Variants in TNFRSF8 observed in about 807,000 individuals in gnomAD.
TNFRSF8 encodes TNF receptor superfamily member 8.
A neutral mutation model predicts 70.8 loss-of-function variants in TNFRSF8; 26 were observed. The ratio of observed to expected loss-of-function variants is 0.37; its 90% confidence interval spans 0.27 to 0.51. The LOEUF is 0.51. TNFRSF8 is among the 20% of genes least tolerant of loss of function. The pLI, the probability that TNFRSF8 is intolerant of heterozygous loss-of-function variation, is 0.94. For synonymous variants in TNFRSF8, 356 were observed against 339.2 expected (o/e 1.05, Z -0.54); for missense variants, 720 against 807.9 (o/e 0.89, Z 1.32).
At chr1:12,125,723 C>T (rs910765075) in intron 10 of TNFRSF8, among the ~76,000 whole-genome samples, 19 of 152,250 alleles carry the variant, frequency 1.2e-4, no homozygotes. Context: ...CTCAATTTCT[C>T]ACTCTCTAGA....
intron 3 of TNFRSF8, among the ~76,000 whole-genome samples, chr1:12,101,766 G>A (rs1168087358): frequency 2.6e-5 from 4 of 152,082 alleles, no homozygotes; most frequent in African/African-American, 9.7e-5. Context: ...CTGCAACCTG[G>A]GTTCAAGCGA....
intron 4 of TNFRSF8, among the ~76,000 whole-genome samples, chr1:12,104,784 T>C (rs1641491182): frequency 6.6e-6 from 1 of 152,104 alleles, no homozygotes; most frequent in Admixed American, 6.5e-5. Flanking sequence ...AGGTCTTGCT[T>C]TGGTTTGAGG....
intron 10 of TNFRSF8, among the ~76,000 whole-genome samples, chr1:12,125,429 G>A (rs757323592): frequency 5.9e-5 from 9 of 152,172 alleles, no homozygotes; most frequent in East Asian, 1.9e-4. Flanking sequence ...AGGTAGTGAC[G>A]GTGCCTAGGG....
At chr1:12,074,329 G>T (rs1640900283) in intron 1 of TNFRSF8, among the ~76,000 whole-genome samples, 3 of 151,350 alleles carry the variant, frequency 2.0e-5, no homozygotes, top group Admixed American at 1.3e-4. Flanking sequence ...ACCCAGGCTG[G>T]AGTGCACTGA....
At chr1:12,065,790 G>A (rs1640729865) in intron 1 of TNFRSF8, among the ~76,000 whole-genome samples, 1 of 152,192 alleles carries the variant, frequency 6.6e-6, no homozygotes, top group Non-Finnish European at 1.5e-5. Context: ...GTCCTGGATG[G>A]ATGGGTGCTA....
At chr1:12,103,826 A>C (rs957771376) in intron 3 of TNFRSF8, among the ~76,000 whole-genome samples, 1 of 152,194 alleles carries the variant, frequency 6.6e-6, no homozygotes. Context: ...TTAGTGTGGC[A>C]CAATTGTTAG....
Position 12,108,110 on chromosome 1 carries a change from G to T in TNFRSF8, c.422-1456G>T, listed in dbSNP as rs145359258. On this transcript the variant is annotated intron_variant, in intron 4 of 14. Coordinates refer to ENST00000263932, the MANE Select transcript of TNFRSF8 (RefSeq NM_001243.5). This position sits in a 1 kb window ranked among gnomAD's most constrained non-coding sequence, Gnocchi z 4.0. ...TTTTTTTTTTTTGTGATGGAGCCTCGATCTGTCACCCAGACTAGAGTGCAA... is the reference window on the plus strand; with the variant it reads ...TTTTTTTTTTTTGTGATGGAGCCTCTATCTGTCACCCAGACTAGAGTGCAA... 7.2e-6 allele frequency among the ~76,000 whole-genome samples: 1 copy of T among 138,456 alleles called. No individual in the cohort carries two copies. Among genetic ancestry groups the T allele is most frequent in the Non-Finnish European group, 1.6e-5 (1 of 61,768 alleles). 90.8% of individuals were successfully genotyped at this position (138,456 alleles called of 152,430 possible).
chr1:12,132,943 C>T (rs943559255), intron 12 of TNFRSF8, among the ~76,000 whole-genome samples: 1 of 151,202 alleles, frequency 6.6e-6, no homozygotes, highest in Non-Finnish European at 1.5e-5. Flanking sequence ...TGATGTGATT[C>T]ATCCCATTTT....
intron 13 of TNFRSF8, among the ~76,000 whole-genome samples, chr1:12,136,649 GAAAAA>G (rs55656730): frequency 8.6e-4 from 105 of 122,352 alleles, no homozygotes; most frequent in African/African-American, 2.9e-3. Context: ...GACTCCATCT[GAAAAA>G]AAAAAAAAAA....
chr1:12,113,662 CGAGA>C lies in TNFRSF8; in HGVS notation c.793+1659_793+1662del, dbSNP rs553602284. On this transcript the variant is annotated intron_variant, in intron 7 of 14. Transcript: ENST00000263932. The surrounding 1 kb of genome is among the most constrained non-coding windows in gnomAD (Gnocchi z 4.9). ...CAGAAAGAGAAAGAGACGGAGTGAG[CGAGA>C]GAGAGAGAGACAGAAAGACAGAAAG... Among the ~76,000 whole-genome samples, 32 of 131,000 alleles carry C rather than the reference CGAGA, an allele frequency of 2.4e-4. No individual in the cohort carries two copies. Among genetic ancestry groups the C allele is most frequent in the South Asian group, 1.6e-3 (6 of 3,852 alleles). 85.9% of individuals were successfully genotyped at this position (131,000 alleles called of 152,430 possible).
rs1190243594 is a variant in TNFRSF8 at position 12,126,039 on chromosome 1, G to A, written c.1242G>A (p.Lys414=). 2 of 1,614,080 alleles carry A rather than the reference G, an allele frequency of 1.2e-6. No individual in the cohort carries two copies. The highest frequency in any genetic ancestry group is 1.3e-5 in the African/African-American group (1 of 74,936). The change falls in exon 11 of 15, where the codon AAG becomes AAA. Residue 414 remains lysine (K), a synonymous_variant. Transcript: ENST00000263932. ...TGTGCCACCGGAGGGCCTGCAGGAA[G>A]CGAATTCGGCAGAGTAAGTGGCTGT... ...FLLCHRRACR[K]RIRQKLHLCY...
intron 12 of TNFRSF8, among the ~76,000 whole-genome samples, chr1:12,133,551 C>T (rs1461844652): frequency 1.3e-5 from 2 of 150,938 alleles, no homozygotes; most frequent in Non-Finnish European, 2.9e-5. Flanking sequence ...ACCAGCCTGG[C>T]CAACATGGTG....
chr1:12,136,870 C>CTTTT (rs201470263), intron 13 of TNFRSF8, among the ~76,000 whole-genome samples: 1 of 118,718 alleles, frequency 8.4e-6, no homozygotes, highest in African/African-American at 3.1e-5. Context: ...ATACTCAGTT[C>CTTTT]TTTTTTTTTT....
rs1443573085 is a variant in TNFRSF8 at position 12,142,088 on chromosome 1, C to T, written c.1544-199C>T. Among the ~76,000 whole-genome samples, 1 of 152,224 alleles carries T rather than the reference C, an allele frequency of 6.6e-6. No homozygotes were observed. Among genetic ancestry groups the T allele is most frequent in the Non-Finnish European group, 1.5e-5 (1 of 68,040 alleles). ...AGTACAAGTGGGCTGGTTCTTAACT[C>T]CTCAAGGCCCAGCTCCTAGCTGTTC... On this transcript the variant is annotated intron_variant, in intron 14 of 14. Coordinates refer to ENST00000263932, the MANE Select transcript of TNFRSF8 (RefSeq NM_001243.5). The surrounding 1 kb of genome is among the most constrained non-coding windows in gnomAD (Gnocchi z 5.0).
intron 10 of TNFRSF8, among the ~76,000 whole-genome samples, chr1:12,124,139 G>C (rs1353252548): frequency 6.6e-6 from 1 of 152,068 alleles, no homozygotes. Flanking sequence ...CGAGTAGCTG[G>C]GTTTACAGGC....
intron 1 of TNFRSF8, among the ~76,000 whole-genome samples, chr1:12,070,997 T>A (rs1046497686): frequency 1.8e-4 from 27 of 152,010 alleles, no homozygotes; most frequent in African/African-American, 6.5e-4. Context: ...AAGACCCCCT[T>A]TTTTTGGCCC....
At chr1:12,114,454 G>A (rs1641690135) in intron 7 of TNFRSF8, among the ~76,000 whole-genome samples, 1 of 152,118 alleles carries the variant, frequency 6.6e-6, no homozygotes, top group African/African-American at 2.4e-5. Context: ...TGCTCTGGAT[G>A]TTGTAAGAAG....
chr1:12,141,106 G>A lies in TNFRSF8; in HGVS notation c.1544-1181G>A, dbSNP rs1642245824. On this transcript the variant is annotated intron_variant, in intron 14 of 14. Coordinates refer to ENST00000263932, the MANE Select transcript of TNFRSF8 (RefSeq NM_001243.5). The surrounding 1 kb of genome is among the most constrained non-coding windows in gnomAD (Gnocchi z 5.4). ...CCTGGGGGTGTTCAAAACCAGAATA[G>A]AAGAACCAGCGTCATGCAATAGGGT... Among the ~76,000 whole-genome samples the A allele has an allele frequency of 1.3e-5, 2 of 152,200 alleles. No homozygotes were observed. Among genetic ancestry groups the A allele is most frequent in the Non-Finnish European group, 2.9e-5 (2 of 68,036 alleles).
chr1:12,067,903 CGG>C (rs142444137), intron 1 of TNFRSF8, among the ~76,000 whole-genome samples: 1 of 69,100 alleles, frequency 1.4e-5, no homozygotes, highest in Non-Finnish European at 3.2e-5. Context: ...GGCGGGGGGG[CGG>C]GGGGGGGACC....
Sources: gnomAD v4.1 joint callset for allele counts (sites outside exome capture counted in the v4.1 genomes callset) on GRCh38, gnomAD v4.1.1 for gene constraint, Gnocchi (gnomAD v3.1) non-coding constraint, MANE v1.5 for transcripts, NCBI Gene and HGNC (gene_info 2026-07-23, HGNC 2026-07-21) for gene names.